The following AGTPBP1 variants were observed in gnomAD, a reference collection of about 807,000 sequenced individuals.
The protein encoded by AGTPBP1 is cytosolic carboxypeptidase 1.
Under a neutral mutation model 143.9 loss-of-function variants are expected in AGTPBP1, and 70 were observed. The observed-to-expected ratio is 0.49, with a 90% confidence interval of 0.40 to 0.59. The LOEUF (loss-of-function observed/expected upper bound fraction) is 0.59, where lower values mean the gene tolerates loss of function less well. Among genes scored for constraint, AGTPBP1 ranks in the 20% least tolerant of loss-of-function variants. AGTPBP1 has a pLI of 0.00. For missense variants in AGTPBP1, 1,229 were observed against 1,464.5 expected, an observed-to-expected ratio of 0.84 and a Z score of 2.62; for synonymous variants, 463 against 500.2, an observed-to-expected ratio of 0.93 and a Z score of 0.99.
At chr9:85,669,229 A>C (rs145659827) in intron 8 of AGTPBP1, among the ~76,000 whole-genome samples, 76 of 152,018 alleles carry the variant, frequency 5.0e-4, no homozygotes, top group African/African-American at 1.8e-3. Flanking sequence ...CTTTTACAGT[A>C]TCTAGAAATG....
At chr9:85,586,628 T>C (rs1222167071) in intron 22 of AGTPBP1, among the ~76,000 whole-genome samples, 1 of 152,100 alleles carries the variant, frequency 6.6e-6, no homozygotes, top group African/African-American at 2.4e-5. Context: ...TATCTAAAAG[T>C]TACAACCAAG....
chr9:85,630,435 G>A (rs540435889), intron 14 of AGTPBP1, among the ~76,000 whole-genome samples: 2 of 143,546 alleles, frequency 1.4e-5, no homozygotes, highest in South Asian at 4.5e-4. Flanking sequence ...GTCTTGCTCT[G>A]TCACCCAGGC....
intron 2 of AGTPBP1, among the ~76,000 whole-genome samples, chr9:85,702,884 C>T (rs1358481460): frequency 6.6e-6 from 1 of 152,042 alleles, no homozygotes; most frequent in African/African-American, 2.4e-5. Flanking sequence ...GAATAGTCTG[C>T]CTGATCTGCT....
At chr9:85,702,659 CTTT>C (rs370857631) in intron 2 of AGTPBP1, among the ~76,000 whole-genome samples, 1 of 143,404 alleles carries the variant, frequency 7.0e-6, no homozygotes. Flanking sequence ...GTCTCTCTCT[CTTT>C]TTTTTTTTTA....
chr9:85,728,030 TACACACACACACACACAC>T (rs57676033), intron 1 of AGTPBP1, among the ~76,000 whole-genome samples: 13 of 128,430 alleles, frequency 1.0e-4, no homozygotes, highest in South Asian at 2.6e-4. Context: ...TATATTTATA[TACACACACACACACACAC>T]ACACACACAC....
intron 1 of AGTPBP1, among the ~76,000 whole-genome samples, chr9:85,715,245 C>CA (rs1276506563): frequency 0.016 from 1,714 of 106,618 alleles, 35 homozygotes; most frequent in African/African-American, 0.053. Flanking sequence ...GACTCTGTCT[C>CA]AAAAAAAAAA....
At chr9:85,698,409 C>T (rs566578046) in intron 2 of AGTPBP1, among the ~76,000 whole-genome samples, 36 of 152,026 alleles carry the variant, frequency 2.4e-4, no homozygotes, top group East Asian at 1.4e-3. Flanking sequence ...AGAAGGAAAA[C>T]GGAACAAAAT....
At chr9:85,721,035 T>C (rs956676606) in intron 1 of AGTPBP1, among the ~76,000 whole-genome samples, 2 of 152,208 alleles carry the variant, frequency 1.3e-5, no homozygotes, top group African/African-American at 2.4e-5. Context: ...GAGAGATAGT[T>C]TGTTGTGATT....
At chr9:85,786,063 A>C in the AGTPBP1 span, 8 of 1,382,780 alleles carry the variant, frequency 5.8e-6, no homozygotes, top group Non-Finnish European at 8.0e-6. Context: ...ATTTTGAGGA[A>C]ATAATATCTA....
intron 17 of AGTPBP1, among the ~76,000 whole-genome samples, chr9:85,614,173 A>G (rs993211059): frequency 1.3e-5 from 2 of 151,922 alleles, no homozygotes; most frequent in African/African-American, 4.8e-5. Context: ...TGCCCAGTGT[A>G]CCCCTTTAAT....
chr9:85,659,810 C>T (rs986488355), intron 9 of AGTPBP1, among the ~76,000 whole-genome samples: 1 of 152,092 alleles, frequency 6.6e-6, no homozygotes, highest in Non-Finnish European at 1.5e-5. Flanking sequence ...AATCTTTATA[C>T]AGTTTGAACC....
chr9:85,580,008 C>A (rs1011754877), intron 23 of AGTPBP1, among the ~76,000 whole-genome samples: 7 of 151,716 alleles, frequency 4.6e-5, no homozygotes, highest in African/African-American at 1.7e-4. Context: ...GAGTCTGAGG[C>A]AGGTGGATCA....
At chr9:85,778,732 T>C in the AGTPBP1 span, among the ~76,000 whole-genome samples, 1 of 152,196 alleles carries the variant, frequency 6.6e-6, no homozygotes, top group Non-Finnish European at 1.5e-5. Context: ...TTAGAAGGAA[T>C]ATCTCGACAG....
chr9:85,735,056 A>C (rs1225875276), intron 1 of AGTPBP1, among the ~76,000 whole-genome samples: 1 of 152,166 alleles, frequency 6.6e-6, no homozygotes, highest in East Asian at 1.9e-4. Flanking sequence ...AAAATAAATA[A>C]ATAAAAAGCA....
intron 2 of AGTPBP1, among the ~76,000 whole-genome samples, chr9:85,705,538 G>GA (rs940490155): frequency 6.6e-6 from 1 of 151,902 alleles, no homozygotes; most frequent in African/African-American, 2.4e-5. Context: ...AAAAGAAGTA[G>GA]AAAATGAGTG....
At position 85,546,854 on chromosome 9, in the gene AGTPBP1, GTTT is replaced by G; in HGVS notation, c.*252_*254del. 1 of 268,544 alleles carries G rather than the reference GTTT, an allele frequency of 3.7e-6. No homozygotes were observed. Among genetic ancestry groups the G allele is most frequent in the Non-Finnish European group, 6.8e-6 (1 of 146,224 alleles). 16.6% of individuals were successfully genotyped at this position (268,544 alleles called of 1,614,324 possible). On this transcript the variant is annotated 3_prime_UTR_variant, in exon 26 of 26. Coordinates refer to ENST00000357081, the MANE Select transcript of AGTPBP1 (RefSeq NM_001330701.2). The stretch of plus-strand genomic sequence containing the variant: ...TAAAAATTCATGCAATGATACTCAG[GTTT>G]TTTTTTTAAAGGTAAATCCAATATT...
chr9:85,648,636 C>A (rs754284169), intron 11 of AGTPBP1, among the ~76,000 whole-genome samples: 2 of 152,156 alleles, frequency 1.3e-5, no homozygotes, highest in Non-Finnish European at 2.9e-5. Context: ...CACAGTGAAA[C>A]CCCGTCTCTA....
In AGTPBP1 at chr9:85,709,279, T is replaced by G. The variant is rs140027764; in HGVS notation, c.32+3223A>C. On this transcript the variant is annotated intron_variant, in intron 2 of 25. Transcript: ENST00000357081. ...ATTTCACAAAATCAGACATTCATACTGGATAAAAAATTCTCAGCATACTAG... is the reference window on the plus strand; with the variant it reads ...ATTTCACAAAATCAGACATTCATACGGGATAAAAAATTCTCAGCATACTAG... Among the ~76,000 whole-genome samples, 36 of 152,326 alleles carry G rather than the reference T, an allele frequency of 2.4e-4. 1 individual carries two copies. In the East Asian group the frequency reaches 6.9e-3, roughly 29 times the overall value.
intron 1 of AGTPBP1, among the ~76,000 whole-genome samples, chr9:85,740,622 A>G (rs1824191518): frequency 6.6e-6 from 1 of 152,272 alleles, no homozygotes; most frequent in Non-Finnish European, 1.5e-5. Context: ...GTTTTCTCAG[A>G]CAACCAGTTT....
Sources: allele counts gnomAD v4.1 joint callset (sites outside exome capture counted in the v4.1 genomes callset), GRCh38; gene constraint gnomAD v4.1.1; transcripts MANE v1.5; gene names NCBI Gene and HGNC (gene_info 2026-07-23, HGNC 2026-07-21).